Variants in MEGF11 observed in about 807,000 individuals in gnomAD.
MEGF11 encodes multiple epidermal growth factor-like domains protein 11.
MEGF11 carries 126 observed loss-of-function variants against 146.6 expected under a neutral mutation model. The observed-to-expected ratio is 0.86, with a 90% CI of 0.74 to 1.00. The LOEUF is 1.00. Among genes scored for constraint, MEGF11 ranks in the 50% least tolerant of loss-of-function variants. The probability of loss-of-function intolerance (pLI) is 0.00; values close to 1 mark genes in which losing one functional copy is unlikely to be tolerated. For missense variants in MEGF11, 1,509 were observed against 1,521.2 expected (o/e 0.99, Z 0.13); for synonymous variants, 532 against 583.4 (o/e 0.91, Z 1.27).
intron 17 of MEGF11, chr15:65,916,502 G>T: frequency 1.5e-6 from 1 of 670,142 alleles, no homozygotes; most frequent in Non-Finnish European, 2.5e-6. Context: ...CCACAGGTCA[G>T]GCTAGGGTCT....
At position 65,966,655 on chromosome 15, in the gene MEGF11, C is replaced by G. The variant is rs140249739; in HGVS notation, c.900-1535G>C. 5.9e-5 allele frequency among the ~76,000 whole-genome samples: 9 copies of G among 152,250 alleles called. No individual in the cohort carries two copies. In the East Asian group the frequency reaches 1.7e-3, roughly 29 times the overall value. On this transcript the variant is annotated intron_variant, in intron 8 of 25. Coordinates refer to ENST00000395614, the MANE Select transcript of MEGF11 (RefSeq NM_001385028.1). Reference sequence around the variant, plus strand: ...CCTCAAGGTAGGGTCTGAGTCTCTCCCATCAGCCTGTGAGCCCCTAAGGAG... The same window carrying G: ...CCTCAAGGTAGGGTCTGAGTCTCTCGCATCAGCCTGTGAGCCCCTAAGGAG...
At chr15:65,922,202 G>C in intron 15 of MEGF11, 136 bp downstream of exon 15, 3 of 1,055,090 alleles carry the variant, frequency 2.8e-6, no homozygotes, top group Non-Finnish European at 4.1e-6. Context: ...TTCTCATAAA[G>C]GCAGCCCAAG....
At chr15:66,109,647 C>T (rs561028046) in intron 4 of MEGF11, among the ~76,000 whole-genome samples, 28 of 152,316 alleles carry the variant, frequency 1.8e-4, no homozygotes, top group Non-Finnish European at 3.5e-4. Flanking sequence ...AGTCACTCTC[C>T]GGCCGGCTGA....
intron 1 of MEGF11, among the ~76,000 whole-genome samples, chr15:66,180,997 G>A (rs1030124506): frequency 2.0e-5 from 3 of 152,094 alleles, no homozygotes; most frequent in African/African-American, 7.2e-5. Flanking sequence ...CATCTTATGC[G>A]ATTTTTAACA....
chr15:66,063,485 G>A (rs1024355555), intron 5 of MEGF11, among the ~76,000 whole-genome samples: 19 of 152,218 alleles, frequency 1.2e-4, no homozygotes, highest in African/African-American at 4.6e-4. Context: ...GCCTGGGGAA[G>A]TGATACAGCC....
chr15:66,250,484 T>C (rs550733336), intron 1 of MEGF11, among the ~76,000 whole-genome samples: 2 of 152,352 alleles, frequency 1.3e-5, no homozygotes, highest in African/African-American at 4.8e-5. Context: ...TCCTGTCTGA[T>C]TCATTGCTGT....
Position 66,244,964 on chromosome 15 carries a change from A to T in MEGF11, c.-9+8641T>A, listed in dbSNP as rs368189538. Among the ~76,000 whole-genome samples, 52 of 152,270 alleles carry T rather than the reference A, an allele frequency of 3.4e-4. 1 individual carries two copies. In the East Asian group the frequency reaches 5.4e-3, roughly 16 times the overall value. On this transcript the variant is annotated intron_variant, in intron 1 of 25. Coordinates refer to ENST00000395614, the MANE Select transcript of MEGF11 (RefSeq NM_001385028.1). ...GGGAAGACAATAAACACACCAATAAAATGTTATCAATGACAACAGCAGCAT... is the reference window on the plus strand; with the variant it reads ...GGGAAGACAATAAACACACCAATAATATGTTATCAATGACAACAGCAGCAT...
chr15:66,115,443 G>T (rs1316148044), intron 4 of MEGF11, among the ~76,000 whole-genome samples: 1 of 152,204 alleles, frequency 6.6e-6, no homozygotes, highest in Non-Finnish European at 1.5e-5. Context: ...CCCATGTGGG[G>T]CCAGTTGGTG....
Position 65,917,964 on chromosome 15 carries a change from AC to A in MEGF11, c.2086+1del, listed in dbSNP as rs2079055705. 6.2e-7 allele frequency: 1 copy of A among 1,613,846 alleles called. No individual in the cohort carries two copies. The highest frequency in any genetic ancestry group is 1.3e-5 in the African/African-American group (1 of 74,922). On this transcript the variant is annotated splice_donor_variant, in intron 16 of 25. Coordinates refer to ENST00000395614, the MANE Select transcript of MEGF11 (RefSeq NM_001385028.1). LOFTEE classifies it high-confidence loss of function. ...GGGCATTCCCAGGTGGCAGCAGCTTACCCTGTGAGCAGTCCTTGCCAATCCA... is the reference window on the plus strand; with the variant it reads ...GGGCATTCCCAGGTGGCAGCAGCTTACCTGTGAGCAGTCCTTGCCAATCCA...
intron 10 of MEGF11, among the ~76,000 whole-genome samples, chr15:65,947,236 T>C (rs552188951): frequency 6.6e-6 from 1 of 152,198 alleles, no homozygotes; most frequent in Admixed American, 6.5e-5. Flanking sequence ...TTATCGGCAC[T>C]AATGACTAAG....
chr15:66,091,053 C>A (rs2086299369), intron 5 of MEGF11, among the ~76,000 whole-genome samples: 2 of 151,922 alleles, frequency 1.3e-5, no homozygotes, highest in Admixed American at 6.6e-5. Flanking sequence ...ACTTAAGAAC[C>A]AGAGAGAAAA....
chr15:66,153,381 T>C (rs1211205305), intron 1 of MEGF11, among the ~76,000 whole-genome samples: 3 of 152,176 alleles, frequency 2.0e-5, no homozygotes, highest in African/African-American at 7.2e-5. Flanking sequence ...AAGACCATCC[T>C]GGCCAACATG....
At chr15:66,154,271 TTCAC>T (rs1400350847) in intron 1 of MEGF11, among the ~76,000 whole-genome samples, 64 of 139,864 alleles carry the variant, frequency 4.6e-4, no homozygotes, top group African/African-American at 1.7e-3. Flanking sequence ...GAACTGTTGC[TTCAC>T]TCCATTCTCC....
chr15:66,195,750 G>T (rs2090992313), intron 1 of MEGF11, among the ~76,000 whole-genome samples: 1 of 152,214 alleles, frequency 6.6e-6, no homozygotes, highest in Non-Finnish European at 1.5e-5. Flanking sequence ...CTAGCATGTA[G>T]GTTCCCTCAG....
intron 4 of MEGF11, among the ~76,000 whole-genome samples, chr15:66,099,208 T>TTTA (rs1555470548): frequency 6.9e-6 from 1 of 144,492 alleles, no homozygotes; most frequent in African/African-American, 2.6e-5. Flanking sequence ...CTTTTTCTTT[T>TTTA]TTTTTTTTTT....
Position 66,123,944 on chromosome 15 carries a change from G to T in MEGF11, c.155C>A (p.Thr52Lys). The change falls in exon 3 of 26, where the codon ACA becomes AAA. Residue 52 changes from threonine to lysine, a missense_variant. Physicochemically the swap from Thr to Lys is moderately conservative, Grantham distance 78. Coordinates refer to ENST00000395614, the MANE Select transcript of MEGF11 (RefSeq NM_001385028.1). ...CCAGTTGAGGATGTCTGTGCATCGT[G>T]TGTAATAGATCTGATCGAAGGGGTG... ...YAHPFDQIYYTRCTDILNWFK... is the reference protein window; with the variant it reads ...YAHPFDQIYYKRCTDILNWFK... 6.2e-7 allele frequency: 1 copy of T among 1,614,018 alleles called. No homozygotes were observed. Among genetic ancestry groups the T allele is most frequent in the Non-Finnish European group, 8.5e-7 (1 of 1,179,870 alleles).
chr15:66,182,861 A>T (rs1484310960), intron 1 of MEGF11, among the ~76,000 whole-genome samples: 1 of 152,198 alleles, frequency 6.6e-6, no homozygotes, highest in Non-Finnish European at 1.5e-5. Context: ...GGTTCCACCC[A>T]CGGGGATGAA....
chr15:65,912,446 G>A lies in MEGF11; in HGVS notation c.2711-246C>T, dbSNP rs1420129007. 1.6e-5 allele frequency: 5 copies of A among 316,154 alleles called. No individual in the cohort carries two copies. The East Asian group carries it at 1.9e-4, about 12-fold the overall frequency. The allele number at this position is 316,154 out of a possible 1,614,324, so 19.6% of individuals were successfully genotyped here. A position where few individuals can be genotyped will look rare whatever the true frequency, so the allele number is the denominator to read the frequency against. On this transcript the variant is annotated intron_variant, in intron 20 of 25. Coordinates refer to ENST00000395614, the MANE Select transcript of MEGF11 (RefSeq NM_001385028.1). ...TGCAGGATAGGCTCACCTGTGCCAAGGGGAGGCACTATCAACTGGAGCCTG... is the reference window on the plus strand; with the variant it reads ...TGCAGGATAGGCTCACCTGTGCCAAAGGGAGGCACTATCAACTGGAGCCTG...
At chr15:66,207,938 T>C (rs1324537261) in intron 1 of MEGF11, among the ~76,000 whole-genome samples, 1 of 151,908 alleles carries the variant, frequency 6.6e-6, no homozygotes, top group Non-Finnish European at 1.5e-5. Flanking sequence ...ATACAAAAAT[T>C]AGCCAGGTGT....
Sources: allele counts gnomAD v4.1 joint callset (sites outside exome capture counted in the v4.1 genomes callset), GRCh38; gene constraint gnomAD v4.1.1; transcripts MANE v1.5; gene names NCBI Gene and HGNC (gene_info 2026-07-23, HGNC 2026-07-21).